FAM53B: variants seen among roughly 807,000 people sequenced by gnomAD.
The protein encoded by FAM53B is protein FAM53B.
Under a neutral mutation model 32.7 loss-of-function variants are expected in FAM53B, and 12 were observed. That is an observed-to-expected ratio of 0.37 (90% CI 0.24 to 0.59). The LOEUF (loss-of-function observed/expected upper bound fraction) is 0.59. Among genes scored for constraint, FAM53B ranks in the 20% least tolerant of loss-of-function variants. The probability of loss-of-function intolerance (pLI) is 0.72; values close to 1 mark genes in which losing one functional copy is unlikely to be tolerated. For missense variants in FAM53B, 477 were observed against 577.7 expected (o/e 0.83, Z 1.79); for synonymous variants, 234 against 228.7 (o/e 1.02, Z -0.21).
intron 4 of FAM53B, among the ~76,000 whole-genome samples, chr10:124,657,971 C>T (rs1039795749): frequency 3.3e-5 from 5 of 152,136 alleles, no homozygotes; most frequent in African/African-American, 9.7e-5. Flanking sequence ...CTTTTCTACG[C>T]GGCCACTGAA....
chr10:124,655,048 ATCCCG>A (rs1949579424), intron 4 of FAM53B, among the ~76,000 whole-genome samples: 1 of 152,146 alleles, frequency 6.6e-6, no homozygotes, highest in African/African-American at 2.4e-5. Flanking sequence ...CTTCTGGACA[ATCCCG>A]TTTTAGATGA....
Position 124,622,883 on chromosome 10 carries a change from A to C in FAM53B, c.*359T>G. On this transcript the variant is annotated 3_prime_UTR_variant, in exon 5 of 5. Coordinates refer to ENST00000337318, the MANE Select transcript of FAM53B (RefSeq NM_014661.4). ...GCCCTCCCTGACAGCCCCCACCACCAGGGGGATACAGAGCGGTGCCCAGCT... is the reference window on the plus strand; with the variant it reads ...GCCCTCCCTGACAGCCCCCACCACCCGGGGGATACAGAGCGGTGCCCAGCT... 1.3e-4 allele frequency: 22 copies of C among 170,790 alleles called. No homozygotes were observed. The highest frequency in any genetic ancestry group is 1.8e-4 in the East Asian group (1 of 5,610). The allele number at this position is 170,790 out of a possible 1,614,324, so 10.6% of individuals were successfully genotyped here. A position where few individuals can be genotyped will look rare whatever the true frequency, so the allele number is the denominator to read the frequency against.
chr10:124,620,588 T>G lies in FAM53B; in HGVS notation c.*2654A>C, dbSNP rs1949303843. The G allele has an allele frequency of 6.6e-6, 1 of 152,234 alleles. No homozygotes were observed. Among genetic ancestry groups the G allele is most frequent in the African/African-American group, 2.4e-5 (1 of 41,422 alleles). 9.4% of individuals were successfully genotyped at this position (152,234 alleles called of 1,614,324 possible). Reference sequence around the variant, plus strand: ...TGCCTGCTGCCCATGGGGACACCAATGTGGGGGGCACCTCCTAGGCGAACC... The same window carrying G: ...TGCCTGCTGCCCATGGGGACACCAAGGTGGGGGGCACCTCCTAGGCGAACC... On this transcript the variant is annotated 3_prime_UTR_variant, in exon 5 of 5. Transcript: ENST00000337318.
rs1949323823 is a variant in FAM53B at position 124,623,315 on chromosome 10, T to C, written c.1196A>G (p.Asp399Gly). The change falls in exon 5 of 5, where the codon GAC (aspartate) becomes GGC (glycine). Residue 399 changes from aspartate to glycine, a missense_variant. Asp to Gly is a moderately conservative substitution (Grantham distance 94, BLOSUM62 -1). Coordinates refer to ENST00000337318, the MANE Select transcript of FAM53B (RefSeq NM_014661.4). ...GAGGCTGTTCCCAGGGGCCCCGCGG[T>C]CCCGCCAGGCTGCAGCCGGCTCCGC... ...RRAEPAAAWR[D>G]RGAPGNSLCS... 1 of 1,612,268 alleles carries C rather than the reference T, an allele frequency of 6.2e-7. No individual in the cohort carries two copies. The highest frequency in any genetic ancestry group is 1.7e-5 in the Admixed American group (1 of 59,974).
intron 4 of FAM53B, among the ~76,000 whole-genome samples, chr10:124,648,157 T>C (rs1949531652): frequency 6.6e-6 from 1 of 152,188 alleles, no homozygotes; most frequent in Non-Finnish European, 1.5e-5. Flanking sequence ...CTGAGAACAC[T>C]GCAGCAGCCA....
At chr10:124,653,383 C>A (rs756220424) in intron 4 of FAM53B, among the ~76,000 whole-genome samples, 1 of 152,158 alleles carries the variant, frequency 6.6e-6, no homozygotes, top group East Asian at 1.9e-4. Context: ...AGGGCTCTGG[C>A]GTGGGGACCC....
intron 2 of FAM53B, among the ~76,000 whole-genome samples, chr10:124,702,155 T>C (rs867101554): frequency 6.6e-6 from 1 of 152,214 alleles, no homozygotes; most frequent in Non-Finnish European, 1.5e-5. Context: ...CCTGCTCCCA[T>C]AATTCCAAAG....
chr10:124,695,748 T>C (rs765646524), intron 3 of FAM53B, among the ~76,000 whole-genome samples: 4 of 152,182 alleles, frequency 2.6e-5, no homozygotes, highest in Non-Finnish European at 5.9e-5. Context: ...CAAACAAATA[T>C]AGTTTTACAT....
At chr10:124,683,268 G>A (rs2134069384) in intron 3 of FAM53B, among the ~76,000 whole-genome samples, 1 of 152,220 alleles carries the variant, frequency 6.6e-6, no homozygotes, top group Admixed American at 6.5e-5. Flanking sequence ...CACCGTGCTG[G>A]GAATTTTAGG....
chr10:124,657,904 C>A (rs1367961392), intron 4 of FAM53B, among the ~76,000 whole-genome samples: 1 of 152,238 alleles, frequency 6.6e-6, no homozygotes, highest in East Asian at 1.9e-4. Flanking sequence ...GCCTTGCTTG[C>A]AGCCAGCCTA....
At chr10:124,724,942 G>A (rs1043508337) in intron 1 of FAM53B, among the ~76,000 whole-genome samples, 1 of 152,226 alleles carries the variant, frequency 6.6e-6, no homozygotes, top group Non-Finnish European at 1.5e-5. Flanking sequence ...GCTGGGGGCT[G>A]GGAGCTGCAG....
chr10:124,724,638 C>T (rs1212697618), intron 1 of FAM53B, among the ~76,000 whole-genome samples: 1 of 152,178 alleles, frequency 6.6e-6, no homozygotes. Context: ...TCCCAAACCT[C>T]CCTCTTTTGT....
intron 4 of FAM53B, among the ~76,000 whole-genome samples, chr10:124,662,420 G>A (rs112475953): frequency 5.3e-5 from 8 of 151,888 alleles, no homozygotes; most frequent in Middle Eastern, 3.4e-3. Flanking sequence ...TCGTTCGTCC[G>A]TCCATCCATC....
At chr10:124,632,654 CA>C (rs1180614389) in intron 4 of FAM53B, among the ~76,000 whole-genome samples, 22 of 152,364 alleles carry the variant, frequency 1.4e-4, no homozygotes, top group Admixed American at 1.4e-3. Flanking sequence ...CCCAGCAGCT[CA>C]CAACTCTGTT....
At chr10:124,707,887 C>T (rs1375367944) in intron 1 of FAM53B, 1 of 152,270 alleles carries the variant, frequency 6.6e-6, no homozygotes, top group Non-Finnish European at 1.5e-5. Flanking sequence ...TGATGGGACC[C>T]ACTCAGCATC....
chr10:124,689,610 G>A (rs960937481), intron 3 of FAM53B, among the ~76,000 whole-genome samples: 1 of 152,232 alleles, frequency 6.6e-6, no homozygotes, highest in Admixed American at 6.5e-5. Context: ...CCACATCCAA[G>A]GAAGAAGGCA....
At chr10:124,646,537 C>A (rs946225087) in intron 4 of FAM53B, among the ~76,000 whole-genome samples, 2 of 152,226 alleles carry the variant, frequency 1.3e-5, no homozygotes, top group Non-Finnish European at 2.9e-5. Context: ...GGTCTTTTTG[C>A]TCCCAGCCCG....
Position 124,733,526 on chromosome 10 carries a change from A to G in FAM53B, c.-175+10487T>C, listed in dbSNP as rs1289785844. On this transcript the variant is annotated intron_variant, in intron 1 of 4. Transcript: ENST00000337318. The surrounding 1 kb of genome is among the most constrained non-coding windows in gnomAD (Gnocchi z 4.3). ...TAGGTGCCTGTTTTTCCCTTTAAAG[A>G]AAAAAAAAAGGTAGTTTTACACTGA... Among the ~76,000 whole-genome samples, 1 of 149,870 alleles carries G rather than the reference A, an allele frequency of 6.7e-6. No individual in the cohort carries two copies. Among genetic ancestry groups the G allele is most frequent in the Admixed American group, 6.7e-5 (1 of 15,028 alleles).
intron 4 of FAM53B, among the ~76,000 whole-genome samples, chr10:124,680,021 C>T (rs187167359): frequency 1.7e-4 from 26 of 152,328 alleles, no homozygotes; most frequent in African/African-American, 6.0e-4. Context: ...TCTTGGTTTT[C>T]CTCAGAAGTC....
Sources: allele counts gnomAD v4.1 joint callset (sites outside exome capture counted in the v4.1 genomes callset), GRCh38; gene constraint gnomAD v4.1.1; non-coding constraint Gnocchi (gnomAD v3.1); transcripts MANE v1.5; gene names NCBI Gene and HGNC (gene_info 2026-07-23, HGNC 2026-07-21).